Variants in INTS1 observed in about 807,000 individuals in gnomAD.
The protein encoded by INTS1 is integrator complex subunit 1.
Under a neutral mutation model 241.6 loss-of-function variants are expected in INTS1, and 137 were observed. That is an observed-to-expected ratio of 0.57 (90% confidence interval 0.49 to 0.65). The LOEUF (loss-of-function observed/expected upper bound fraction) is 0.65, where lower values mean the gene tolerates loss of function less well. INTS1 is among the 30% of genes least tolerant of loss of function. INTS1 has a pLI of 0.00. For synonymous variants in INTS1, 1,692 were observed against 1,337.8 expected (o/e 1.26, Z -5.78); for missense variants, 3,073 against 3,032.2 (o/e 1.01, Z -0.32).
chr7:1,488,407 T>A (rs1182287995), intron 18 of INTS1, among the ~76,000 whole-genome samples: 1 of 152,102 alleles, frequency 6.6e-6, no homozygotes, highest in Non-Finnish European at 1.5e-5. Flanking sequence ...CAGCTCCCCA[T>A]GGCCGCTCTA....
At chr7:1,498,047 C>CTG (rs1382514108) in intron 10 of INTS1, among the ~76,000 whole-genome samples, 7 of 99,130 alleles carry the variant, frequency 7.1e-5, no homozygotes, top group African/African-American at 4.6e-4. Context: ...GACCCGGTCT[C>CTG]CACAAAATTT....
At chr7:1,502,544 C>T (rs1208768262) in intron 3 of INTS1, among the ~76,000 whole-genome samples, 5 of 152,150 alleles carry the variant, frequency 3.3e-5, no homozygotes, top group Non-Finnish European at 4.4e-5. Context: ...GAGGAACGCA[C>T]CAGGATGGGC....
intron 9 of INTS1, 58 bp downstream of exon 9, chr7:1,498,649 C>G (rs1397207190): frequency 1.3e-6 from 2 of 1,527,202 alleles, no homozygotes; most frequent in Non-Finnish European, 1.8e-6. Context: ...TCCGCCCACA[C>G]CCCCACCCAC....
intron 18 of INTS1, among the ~76,000 whole-genome samples, chr7:1,488,634 C>A (rs528053707): frequency 2.0e-5 from 3 of 152,166 alleles, no homozygotes; most frequent in Non-Finnish European, 4.4e-5. Context: ...CACACACACA[C>A]CTGGTCCCCA....
At chr7:1,502,036 C>T (rs1783205466) in intron 3 of INTS1, among the ~76,000 whole-genome samples, 2 of 152,154 alleles carry the variant, frequency 1.3e-5, no homozygotes. Context: ...CACAGGCTTG[C>T]ACTGCAGCAG....
intron 40 of INTS1, 141 bp from the exon 41 acceptor site, chr7:1,474,501 T>C: frequency 8.7e-7 from 1 of 1,143,968 alleles, no homozygotes; most frequent in Admixed American, 2.8e-5. Context: ...GAGGTGGGGA[T>C]GAGATCGCCC....
rs763012122 is a variant in INTS1 at position 1,484,130 on chromosome 7, G to C, written c.3302C>G (p.Ser1101Cys). The C allele has an allele frequency of 3.7e-6, 6 of 1,612,204 alleles. No homozygotes were observed. In the East Asian group the frequency reaches 1.3e-4, roughly 36 times the overall value. ...CGGGGAGAGCTTCGAGAAGAGGTGG[G>C]ACATGATGGTGGAGCGCTCCACGAC... Reference protein sequence around the residue: ...RLVVERSTIMSHLFSKLSPSA... With the variant: ...RLVVERSTIMCHLFSKLSPSA... Residue 1101 changes from serine (S) to cysteine (C), a missense_variant, in exon 25 of 48, where the codon TCC becomes TGC. Transcript: ENST00000404767.
intron 1 of INTS1, 27 bp downstream of exon 1, chr7:1,504,296 G>A (rs1783357507): frequency 3.6e-6 from 2 of 549,076 alleles, no homozygotes; most frequent in East Asian, 4.8e-5. Flanking sequence ...CGGCAATGAG[G>A]AAGCGCCCAG....
At chr7:1,478,086 G>A (rs1781809018) in intron 33 of INTS1, 150 bp from the exon 34 acceptor site, 18 of 747,776 alleles carry the variant, frequency 2.4e-5, no homozygotes, top group South Asian at 3.4e-5. Context: ...GAGTGCAGCC[G>A]GGGCCGGAGA....
At chr7:1,498,884 C>T (rs377480605) in intron 8 of INTS1, 32 bp from the exon 9 acceptor site, 85 of 1,567,338 alleles carry the variant, frequency 5.4e-5, no homozygotes, top group South Asian at 1.5e-4. Flanking sequence ...AGTGGGCTCA[C>T]GGCCACCCCG....
chr7:1,479,783 CGTCCCATCGT>C, intron 30 of INTS1, 99 bp from the exon 31 acceptor site: 1 of 1,269,432 alleles, frequency 7.9e-7, no homozygotes, highest in Non-Finnish European at 1.0e-6. Context: ...GCCAGAACCG[CGTCCCATCGT>C]GTCCCTGTTC....
chr7:1,496,348 G>A (rs1380178023), intron 11 of INTS1, 84 bp from the exon 12 acceptor site: 1 of 520,850 alleles, frequency 1.9e-6, no homozygotes, highest in Non-Finnish European at 3.4e-6. Flanking sequence ...CACGGGGTCT[G>A]TATCCAGAAG....
chr7:1,495,618 TG>T, intron 12 of INTS1, 65 bp from the exon 13 acceptor site: 1 of 1,553,024 alleles, frequency 6.4e-7, no homozygotes, highest in Non-Finnish European at 8.7e-7. Flanking sequence ...AAGGCACCCC[TG>T]GGGGTCCAAC....
chr7:1,498,612 G>T, intron 9 of INTS1, 59 bp from the exon 10 acceptor site: 12 of 1,596,514 alleles, frequency 7.5e-6, no homozygotes, highest in Non-Finnish European at 1.0e-5. Context: ...CACTCCGCCT[G>T]TGCCCCCACT....
chr7:1,487,764 G>A lies in INTS1; in HGVS notation c.2512C>T (p.Pro838Ser), dbSNP rs1782343548. 1 of 1,607,954 alleles carries A rather than the reference G, an allele frequency of 6.2e-7. No individual in the cohort carries two copies. The highest frequency in any genetic ancestry group is 8.5e-7 in the Non-Finnish European group (1 of 1,179,734). ...GGGGCTGTGTGGGCTGCGTACTGGG[G>A]GTCCAGGCTGGTGAGCTGCGACAGG... is the stretch of plus-strand genomic sequence containing the variant. ...LLLSQLTSLD[P>S]QGPPRRPPPH... is the part of the protein sequence containing the mutation. The change falls in exon 19 of 48, where the codon CCC becomes TCC. Residue 838 changes from proline (P) to serine (S), a missense_variant. Transcript: ENST00000404767.
intron 13 of INTS1, 72 bp from the exon 14 acceptor site, chr7:1,494,965 G>C: frequency 6.6e-7 from 1 of 1,519,636 alleles, no homozygotes; most frequent in Non-Finnish European, 8.9e-7. Flanking sequence ...TTCCAGGGAA[G>C]GGACCCCGCT....
intron 21 of INTS1, 41 bp downstream of exon 21, chr7:1,486,881 G>T (rs1343711169): frequency 1.3e-6 from 2 of 1,586,936 alleles, no homozygotes; most frequent in Admixed American, 3.4e-5. Context: ...ACAGGGGTGC[G>T]GGGTGAGAGG....
intron 43 of INTS1, 35 bp downstream of exon 43, chr7:1,473,036 CA>C: frequency 1.4e-6 from 2 of 1,434,400 alleles, no homozygotes; most frequent in Non-Finnish European, 1.9e-6. Flanking sequence ...GACTGTTCCG[CA>C]GCTGCTTCCA....
In INTS1 at chr7:1,477,861, T is replaced by C. The variant is rs775223904; in HGVS notation, c.4706A>G (p.Asp1569Gly). The C allele has an allele frequency of 1.2e-5, 19 of 1,612,540 alleles. No individual in the cohort carries two copies. Among genetic ancestry groups the C allele is most frequent in the Non-Finnish European group, 1.6e-5 (19 of 1,179,854 alleles). ...ACAGGCTGGAAACGGGGAGGCAGCA[T>C]CCGCAGTGGCAGAGAAGAATGCAGT... ...LLTAFFSATA[D>G]AASPFPACKP... The change falls in exon 34 of 48, where the codon GAT (aspartate) becomes GGT (glycine). Residue 1569 changes from aspartate (D) to glycine (G), a missense_variant. By Grantham distance (94) the Asp-to-Gly change is moderately conservative. Transcript: ENST00000404767.
Sources: gnomAD v4.1 joint callset for allele counts (sites outside exome capture counted in the v4.1 genomes callset) on GRCh38, gnomAD v4.1.1 for gene constraint, MANE v1.5 for transcripts, NCBI Gene and HGNC (gene_info 2026-07-23, HGNC 2026-07-21) for gene names.